Variants in ZNF607 observed in about 807,000 individuals in gnomAD.
ZNF607 encodes the protein zinc finger protein 607.
Under a neutral mutation model 12.8 loss-of-function variants are expected in ZNF607, and 5 were observed. The ratio of observed to expected loss-of-function variants is 0.39; its 90% CI spans 0.20 to 0.82. The LOEUF (loss-of-function observed/expected upper bound fraction) is 0.82, where lower values mean the gene tolerates loss of function less well. Among genes scored for constraint, ZNF607 ranks in the 40% least tolerant of loss-of-function variants. The pLI is 0.39. For synonymous variants in ZNF607, 287 were observed against 276.2 expected (o/e 1.04, Z -0.39); for missense variants, 851 against 859.2 (o/e 0.99, Z 0.12).
chr19:37,700,214 C>A (rs1857205917), intron 4 of ZNF607, among the ~76,000 whole-genome samples: 1 of 152,136 alleles, frequency 6.6e-6, no homozygotes, highest in South Asian at 2.1e-4. Context: ...ATGTGCATAA[C>A]TGGCTCTAGA....
At position 37,707,964 on chromosome 19, in the gene ZNF607, C is replaced by A. The variant is rs1196641470; in HGVS notation, c.185G>T (p.Gly62Val). 3 of 1,614,038 alleles carry A rather than the reference C, an allele frequency of 1.9e-6. No individual in the cohort carries two copies. Among genetic ancestry groups the A allele is most frequent in the Admixed American group, 3.3e-5 (2 of 60,010 alleles). Residue 62 changes from glycine (G) to valine (V), a missense_variant, in exon 4 of 5, where the codon GGA becomes GTA. By Grantham distance (109) the Gly-to-Val change is moderately radical (BLOSUM62 -3). Transcript: ENST00000355202. ...KPDLITLLEQ[G>V]KEPWMIVREE... ...CCTCACAATCATCCATGGCTCTTTT[C>A]CTTGCTCCAATAAGGTGATTAAATC... is the stretch of plus-strand genomic sequence containing the variant.
In ZNF607 at chr19:37,698,911, G is replaced by A. The variant is rs1048998731; in HGVS notation, c.1220C>T (p.Ser407Phe). ...ATGAATATTTTGATGTATTTTAAGG[G>A]ATGAATTGAGCCTAAAGGACTTCCC... ...KCGKSFRLNS[S>F]LKIHQNIHTG... Residue 407 changes from serine (S) to phenylalanine (F), a missense_variant, in exon 5 of 5, where the codon TCC (serine) becomes TTC (phenylalanine). By Grantham distance (155) the Ser-to-Phe change is radical. Transcript: ENST00000355202. 1 of 1,613,646 alleles carries A rather than the reference G, an allele frequency of 6.2e-7. No homozygotes were observed.
In ZNF607 at chr19:37,704,290, T is replaced by G. The variant is rs2045062999; in HGVS notation, c.235+3624A>C. 1.3e-5 allele frequency among the ~76,000 whole-genome samples: 2 copies of G among 152,114 alleles called. 1 individual carries two copies. The highest frequency in any genetic ancestry group is 4.1e-4 in the South Asian group (2 of 4,822). ...ACTACATGAGATATTCACAGAACATTCCACCCAACACCAACATATACAATA... is the reference window on the plus strand; with the variant it reads ...ACTACATGAGATATTCACAGAACATGCCACCCAACACCAACATATACAATA... On this transcript the variant is annotated intron_variant, in intron 4 of 4. Transcript: ENST00000355202.
In ZNF607 at chr19:37,699,028, TCA is replaced by T; in HGVS notation, c.1101_1102del (p.Cys367Ter). On this transcript the variant is annotated stop_gained and frameshift_variant, in exon 5 of 5. Transcript: ENST00000355202. LOFTEE classifies it low-confidence loss of function (END_TRUNC). ...CACACTAAAGGCTTTCCCACATTCC[TCA>T]CACTTATAAGGTTTCTCAACACTTT... The T allele has an allele frequency of 6.2e-7, 1 of 1,614,078 alleles. No individual in the cohort carries two copies. Among genetic ancestry groups the T allele is most frequent in the Middle Eastern group, 1.6e-4 (1 of 6,062 alleles).
In ZNF607 at chr19:37,696,796, G is replaced by A; in HGVS notation, c.*1244C>T. The A allele has an allele frequency of 1.5e-6, 2 of 1,342,808 alleles. No individual in the cohort carries two copies. The highest frequency in any genetic ancestry group is 2.1e-6 in the Non-Finnish European group (2 of 941,726). The allele number at this position is 1,342,808 out of a possible 1,614,324, so 83.2% of individuals were successfully genotyped here. ...CTCAGCTGCCTTGGAGTCACCCTCA[G>A]CAGAGATGATGGCCGCCTTTTCCAC... On this transcript the variant is annotated 3_prime_UTR_variant, in exon 5 of 5. Coordinates refer to ENST00000355202, the MANE Select transcript of ZNF607 (RefSeq NM_032689.5).
intron 1 of ZNF607, among the ~76,000 whole-genome samples, chr19:37,714,862 C>T (rs992436090): frequency 9.9e-5 from 15 of 152,030 alleles, no homozygotes; most frequent in Admixed American, 3.9e-4. Context: ...GCTCATTAAT[C>T]CGTTATTATA....
intron 1 of ZNF607, among the ~76,000 whole-genome samples, chr19:37,717,249 G>A (rs958285200): frequency 4.6e-5 from 7 of 152,152 alleles, no homozygotes; most frequent in Admixed American, 6.5e-5. Context: ...GCAGTGGCTC[G>A]ATCTCGGCTC....
In ZNF607 at chr19:37,697,102, T is replaced by C. The variant is rs1366266948; in HGVS notation, c.*938A>G. ...CTGGTGAAGATGCGAGGAAGCTGGC[T>C]AGTGATGGGCCGGAAGAGGATGCAC... On this transcript the variant is annotated 3_prime_UTR_variant, in exon 5 of 5. Transcript: ENST00000355202. 3 of 746,168 alleles carry C rather than the reference T, an allele frequency of 4.0e-6. No individual in the cohort carries two copies. In the African/African-American group the frequency reaches 5.2e-5, roughly 13 times the overall value. 46.2% of individuals were successfully genotyped at this position (746,168 alleles called of 1,614,324 possible).
chr19:37,717,378 G>T (rs2145253551), intron 1 of ZNF607, among the ~76,000 whole-genome samples: 2 of 151,882 alleles, frequency 1.3e-5, no homozygotes, highest in African/African-American at 4.8e-5. Flanking sequence ...GTAGAGACGG[G>T]GTTTCACCAT....
chr19:37,713,190 C>G (rs745997597), intron 1 of ZNF607, among the ~76,000 whole-genome samples: 1 of 151,918 alleles, frequency 6.6e-6, no homozygotes, highest in Non-Finnish European at 1.5e-5. Context: ...GTAATTTGTT[C>G]ATAGCCTGAC....
In ZNF607 at chr19:37,696,875, CAAG is replaced by C. The variant is rs541095495; in HGVS notation, c.*1162_*1164del. 2,999 of 718,904 alleles carry C rather than the reference CAAG, an allele frequency of 4.2e-3. 13 individuals carry two copies. The highest frequency in any genetic ancestry group is 5.3e-3 in the Non-Finnish European group (2,137 of 403,660). The allele number at this position is 718,904 out of a possible 1,614,324, so 44.5% of individuals were successfully genotyped here. ...GGGGCCACCTGTCTGTTAACTCCTT[CAAG>C]AAGGTCAGATGTGTCAAAGACACGT... On this transcript the variant is annotated 3_prime_UTR_variant, in exon 5 of 5. Coordinates refer to ENST00000355202, the MANE Select transcript of ZNF607 (RefSeq NM_032689.5).
intron 4 of ZNF607, among the ~76,000 whole-genome samples, chr19:37,703,808 A>G (rs1021443484): frequency 6.6e-6 from 1 of 152,172 alleles, no homozygotes; most frequent in African/African-American, 2.4e-5. Context: ...ACAACAACTG[A>G]TTGAAATGCA....
chr19:37,699,398 T>G lies in ZNF607; in HGVS notation c.733A>C (p.Ser245Arg), dbSNP rs1174533935. ...SVYGRLSRHQ[S>R]IHTGEKPFEC... ...AAGGGCTTCTCACCAGTGTGAATAC[T>G]CTGATGTCGACTAAGTCGTCCATAC... Residue 245 changes from serine to arginine, a missense_variant, in exon 5 of 5, where the codon AGT becomes CGT. Ser to Arg is a moderately radical substitution (Grantham distance 110). Coordinates refer to ENST00000355202, the MANE Select transcript of ZNF607 (RefSeq NM_032689.5). 1.9e-6 allele frequency: 3 copies of G among 1,613,930 alleles called. No homozygotes were observed. Among genetic ancestry groups the G allele is most frequent in the Non-Finnish European group, 2.5e-6 (3 of 1,179,956 alleles).
rs894532396 is a variant in ZNF607, at chr19:37,699,973, C to A, written c.236-78G>T. 7.1e-6 allele frequency: 9 copies of A among 1,275,870 alleles called. No individual in the cohort carries two copies. In the East Asian group the frequency reaches 1.4e-4, roughly 20 times the overall value. The allele number at this position is 1,275,870 out of a possible 1,614,324, so 79.0% of individuals were successfully genotyped here. A position where few individuals can be genotyped will look rare whatever the true frequency, so the allele number is the denominator to read the frequency against. ...TTGTAGAATTAAGAGAAATTCTCAC[C>A]TATTACAGATGCTAACTCGAAAATA... On this transcript the variant is annotated intron_variant, in intron 4 of 4. Transcript: ENST00000355202.
chr19:37,709,573 A>C, intron 3 of ZNF607, 123 bp downstream of exon 3: 1 of 1,137,510 alleles, frequency 8.8e-7, no homozygotes, highest in Non-Finnish European at 1.2e-6. Context: ...ACCTCAATAG[A>C]AATAGAGAAA....
At chr19:37,709,641 C>A in intron 3 of ZNF607, 55 bp downstream of exon 3, 1 of 1,569,660 alleles carries the variant, frequency 6.4e-7, no homozygotes, top group South Asian at 1.1e-5. Context: ...AGAATGTATC[C>A]TACGAAACAG....
In ZNF607 at chr19:37,697,639, G is replaced by A. The variant is rs1220551614; in HGVS notation, c.*401C>T. Reference sequence around the variant, plus strand: ...CCCATCATCGCTTATATCAACAGAGGTTTCCTGTGTAATGGCTTTTTCCAG... The same window carrying A: ...CCCATCATCGCTTATATCAACAGAGATTTCCTGTGTAATGGCTTTTTCCAG... On this transcript the variant is annotated 3_prime_UTR_variant, in exon 5 of 5. Transcript: ENST00000355202. 2.8e-6 allele frequency: 1 copy of A among 360,460 alleles called. No homozygotes were observed. Among genetic ancestry groups the A allele is most frequent in the Non-Finnish European group, 5.1e-6 (1 of 196,516 alleles). 22.3% of individuals were successfully genotyped at this position (360,460 alleles called of 1,614,324 possible). A position where few individuals can be genotyped will look rare whatever the true frequency, so the allele number is the denominator to read the frequency against.
intron 2 of ZNF607, 144 bp downstream of exon 2, chr19:37,711,466 A>T (rs1244853929): frequency 1.2e-6 from 1 of 816,264 alleles, no homozygotes; most frequent in East Asian, 2.5e-5. Flanking sequence ...GATGTGGTAC[A>T]TATTTTACTG....
intron 4 of ZNF607, among the ~76,000 whole-genome samples, 182 bp downstream of exon 4, chr19:37,707,732 G>A (rs892230963): frequency 2.6e-5 from 4 of 152,182 alleles, no homozygotes; most frequent in African/African-American, 7.2e-5. Context: ...GAGCCACAGC[G>A]CTGGGCCTTC....
Sources: allele counts gnomAD v4.1 joint callset (sites outside exome capture counted in the v4.1 genomes callset), GRCh38; gene constraint gnomAD v4.1.1; transcripts MANE v1.5; gene names NCBI Gene and HGNC (gene_info 2026-07-23, HGNC 2026-07-21).